LRRFIP2: variants seen among roughly 807,000 people sequenced by gnomAD.
The protein encoded by LRRFIP2 is LRR binding FLII interacting protein 2, also known as leucine-rich repeat flightless-interacting protein 2.
LRRFIP2 carries 109 observed loss-of-function variants against 125.9 expected under a neutral mutation model. The ratio of observed to expected loss-of-function variants is 0.87; its 90% CI spans 0.74 to 1.01. The LOEUF is 1.01. Among genes scored for constraint, LRRFIP2 ranks in the 50% least tolerant of loss-of-function variants. LRRFIP2 has a pLI of 0.00. For missense variants in LRRFIP2, 850 were observed against 862.3 expected (o/e 0.99, Z 0.18); for synonymous variants, 291 against 293.1 (o/e 0.99, Z 0.07).
intron 15 of LRRFIP2, among the ~76,000 whole-genome samples, chr3:37,098,109 C>A (rs994555856): frequency 6.6e-6 from 1 of 151,200 alleles, no homozygotes; most frequent in African/African-American, 2.4e-5. Context: ...TATAAATATT[C>A]TTTATTATGA....
intron 18 of LRRFIP2, among the ~76,000 whole-genome samples, chr3:37,085,624 C>T (rs1318972123): frequency 1.3e-5 from 2 of 150,736 alleles, no homozygotes; most frequent in Admixed American, 6.6e-5. Flanking sequence ...CATTATTGCC[C>T]GGGCTGGAGT....
In LRRFIP2 at chr3:37,111,019, C is replaced by A. The variant is rs867766245; in HGVS notation, c.485G>T (p.Ser162Ile). 1 of 1,613,700 alleles carries A rather than the reference C, an allele frequency of 6.2e-7. No individual in the cohort carries two copies. Among genetic ancestry groups the A allele is most frequent in the Non-Finnish European group, 8.5e-7 (1 of 1,179,808 alleles). Residue 162 changes from serine (S) to isoleucine (I), a missense_variant, in exon 9 of 28, where the codon AGC (serine) becomes ATC (isoleucine). By Grantham distance (142) the Ser-to-Ile change is moderately radical (BLOSUM62 -2). Transcript: ENST00000336686. Reference protein sequence around the residue: ...DQRNYSSLRHSKPTSAYYTRQ... With the variant: ...DQRNYSSLRHIKPTSAYYTRQ... Reference sequence around the variant, plus strand: ...AGTGTAGTAGGCAGAGGTGGGTTTGCTATGTCTAAGACTGCTATAGTTTCT... The same window carrying A: ...AGTGTAGTAGGCAGAGGTGGGTTTGATATGTCTAAGACTGCTATAGTTTCT...
intron 19 of LRRFIP2, 90 bp downstream of exon 19, chr3:37,083,546 T>C: frequency 1.0e-6 from 1 of 986,924 alleles, no homozygotes; most frequent in Non-Finnish European, 1.4e-6. Flanking sequence ...GAAACATCAT[T>C]CCTAAATAAG....
In LRRFIP2 at chr3:37,053,879, T is replaced by C. The variant is rs771242483; in HGVS notation, c.2138A>G (p.Asn713Ser). ...CTGCTGGGCCAGAAGTGCTGTCCTATTGGCCTTCATCTTCTCCAGCCGCTT... is the reference window on the plus strand; with the variant it reads ...CTGCTGGGCCAGAAGTGCTGTCCTACTGGCCTTCATCTTCTCCAGCCGCTT... ...LAKRLEKMKA[N>S]RTALLAQQ The change falls in exon 28 of 28, where the codon AAT (asparagine) becomes AGT (serine). Residue 713 changes from asparagine (N) to serine (S), a missense_variant. Transcript: ENST00000336686. 6.2e-6 allele frequency: 10 copies of C among 1,613,928 alleles called. No individual in the cohort carries two copies. Among genetic ancestry groups the C allele is most frequent in the African/African-American group, 2.7e-5 (2 of 74,938 alleles).
intron 15 of LRRFIP2, among the ~76,000 whole-genome samples, chr3:37,096,892 G>C (rs1164718209): frequency 6.6e-6 from 1 of 151,952 alleles, no homozygotes; most frequent in Non-Finnish European, 1.5e-5. Context: ...CAAAAGTTTA[G>C]AACTTTTGGG....
chr3:37,153,895 T>C (rs2096103772), intron 1 of LRRFIP2, among the ~76,000 whole-genome samples: 1 of 152,064 alleles, frequency 6.6e-6, no homozygotes, highest in South Asian at 2.1e-4. Context: ...GACTACCTAG[T>C]TCAAAGGATA....
intron 1 of LRRFIP2, chr3:37,172,778 A>G (rs1277715260): frequency 1.3e-5 from 2 of 152,224 alleles, no homozygotes; most frequent in Non-Finnish European, 2.9e-5. Context: ...AGTATAACAC[A>G]TGATCAACCC....
At chr3:37,089,118 A>G (rs1366711880) in intron 18 of LRRFIP2, among the ~76,000 whole-genome samples, 2 of 152,092 alleles carry the variant, frequency 1.3e-5, no homozygotes, top group Non-Finnish European at 2.9e-5. Context: ...TAGATTTACT[A>G]TTGTTATTTA....
chr3:37,110,236 T>C (rs926071410), intron 9 of LRRFIP2, among the ~76,000 whole-genome samples: 19 of 152,356 alleles, frequency 1.2e-4, no homozygotes, highest in African/African-American at 4.3e-4. Flanking sequence ...AGTGCCTTAG[T>C]TGAATTAGAT....
chr3:37,165,688 G>A (rs1245301667), intron 1 of LRRFIP2, among the ~76,000 whole-genome samples: 1 of 151,490 alleles, frequency 6.6e-6, no homozygotes, highest in African/African-American at 2.4e-5. Context: ...GGAGGTGGTG[G>A]AGGTTGCAGT....
At chr3:37,141,276 A>G (rs577299513) in intron 2 of LRRFIP2, among the ~76,000 whole-genome samples, 3 of 152,240 alleles carry the variant, frequency 2.0e-5, no homozygotes, top group African/African-American at 7.2e-5. Context: ...TTACCCTTTA[A>G]TGGCTCCCCA....
rs146907348 is a variant in LRRFIP2 at position 37,102,584 on chromosome 3, C to G, written c.873+340G>C. Among the ~76,000 whole-genome samples the G allele has an allele frequency of 9.0e-3, 1,344 of 149,686 alleles. 24 individuals are homozygous for G. The highest frequency in any genetic ancestry group is 0.032 in the African/African-American group (1,282 of 40,546). ...TGTGGTCTCGGCTCACTGCAACCTC[C>G]ACCTCCTAGGTTCAAGCGATATTCC... is the stretch of plus-strand genomic sequence containing the variant. On this transcript the variant is annotated intron_variant, in intron 15 of 27. Transcript: ENST00000336686.
intron 1 of LRRFIP2, among the ~76,000 whole-genome samples, chr3:37,163,313 T>C (rs1471419006): frequency 6.6e-6 from 1 of 152,248 alleles, no homozygotes; most frequent in Non-Finnish European, 1.5e-5. Context: ...TGGCTCATTG[T>C]TGACCAAGGC....
intron 19 of LRRFIP2, among the ~76,000 whole-genome samples, chr3:37,080,856 A>T (rs1322279202): frequency 6.6e-6 from 1 of 152,192 alleles, no homozygotes; most frequent in African/African-American, 2.4e-5. Flanking sequence ...CTGGATCCCG[A>T]TTTTTTTAAG....
intron 20 of LRRFIP2, among the ~76,000 whole-genome samples, chr3:37,074,570 C>T (rs907077399): frequency 1.3e-5 from 2 of 152,160 alleles, no homozygotes; most frequent in African/African-American, 4.8e-5. Flanking sequence ...AAACCTGAAC[C>T]TTCAGACTAA....
At chr3:37,107,083 T>A (rs1377448613) in intron 13 of LRRFIP2, among the ~76,000 whole-genome samples, 1 of 152,080 alleles carries the variant, frequency 6.6e-6, no homozygotes, top group African/African-American at 2.4e-5. Context: ...TGTGTATTTT[T>A]AGTAGAGGTG....
chr3:37,134,491 G>C lies in LRRFIP2; in HGVS notation c.91-5342C>G, dbSNP rs146138720. ...GCAAAGCTACAGCTCTGGTTAGCCA[G>C]CCACAAAGTTGTCATGAGAGTCGTC... On this transcript the variant is annotated intron_variant, in intron 2 of 27. Transcript: ENST00000336686. 1.3e-3 allele frequency among the ~76,000 whole-genome samples: 196 copies of C among 152,282 alleles called. 2 individuals carry two copies. Among genetic ancestry groups the C allele is most frequent in the South Asian group, 5.6e-3 (27 of 4,818 alleles).
Position 37,081,728 on chromosome 3 carries a change from T to A in LRRFIP2, c.1278+1908A>T, listed in dbSNP as rs1183308354. Among the ~76,000 whole-genome samples, 2 of 143,380 alleles carry A rather than the reference T, an allele frequency of 1.4e-5. 1 individual carries two copies. Among genetic ancestry groups the A allele is most frequent in the African/African-American group, 5.0e-5 (2 of 39,634 alleles). The allele number at this position is 143,380 out of a possible 152,430, so 94.1% of individuals were successfully genotyped here. On this transcript the variant is annotated intron_variant, in intron 19 of 27. Coordinates refer to ENST00000336686, the MANE Select transcript of LRRFIP2 (RefSeq NM_006309.4). ...GTGAAACCGTTTCTATAAAAAAAAATTTGTCTTTAATTAGCCAGGCGTGGT... is the reference window on the plus strand; with the variant it reads ...GTGAAACCGTTTCTATAAAAAAAAAATTGTCTTTAATTAGCCAGGCGTGGT...
chr3:37,151,113 C>A (rs182376738), intron 1 of LRRFIP2, among the ~76,000 whole-genome samples: 63 of 152,284 alleles, frequency 4.1e-4, no homozygotes, highest in Non-Finnish European at 6.6e-4. Context: ...TAATACAACA[C>A]TTTGGGAGGC....
Sources: allele counts gnomAD v4.1 joint callset (sites outside exome capture counted in the v4.1 genomes callset), GRCh38; gene constraint gnomAD v4.1.1; transcripts MANE v1.5; gene names NCBI Gene and HGNC (gene_info 2026-07-23, HGNC 2026-07-21).